SPINK5: variants seen among roughly 807,000 people sequenced by gnomAD.
The protein encoded by SPINK5 is serine protease inhibitor Kazal-type 5.
SPINK5 carries 125 observed loss-of-function variants against 151.8 expected under a neutral mutation model. That is an observed-to-expected ratio of 0.82 (90% CI 0.71 to 0.96). The LOEUF (loss-of-function observed/expected upper bound fraction) is 0.96, where lower values mean the gene tolerates loss of function less well. SPINK5 is among the 40% of genes least tolerant of loss of function. The pLI is 0.00. For missense variants in SPINK5, 1,194 were observed against 1,291.9 expected (o/e 0.92, Z 1.16); for synonymous variants, 374 against 395.3 (o/e 0.95, Z 0.64).
At chr5:148,113,215 T>A (rs557503430) in intron 20 of SPINK5, among the ~76,000 whole-genome samples, 2 of 152,302 alleles carry the variant, frequency 1.3e-5, no homozygotes, top group African/African-American at 4.8e-5. Context: ...TACAATTTTA[T>A]TTATAAAAAC....
At chr5:148,071,566 AT>A (rs1752738299) in intron 3 of SPINK5, among the ~76,000 whole-genome samples, 1 of 152,150 alleles carries the variant, frequency 6.6e-6, no homozygotes, top group Non-Finnish European at 1.5e-5. Flanking sequence ...TTACTGAAAA[AT>A]AATGTAAAAC....
rs1360950702 is a variant in SPINK5 at position 148,100,636 on chromosome 5, A to G, written c.1220+55A>G. On this transcript the variant is annotated intron_variant, in intron 13 of 32. Transcript: ENST00000256084. ...GGAATGATTTTGTTCTTTCTATTTCATTTCCATGTTCAATTATGGGAGGGC... is the reference window on the plus strand; with the variant it reads ...GGAATGATTTTGTTCTTTCTATTTCGTTTCCATGTTCAATTATGGGAGGGC... The G allele has an allele frequency of 3.1e-6, 5 of 1,601,146 alleles. No homozygotes were observed. The South Asian group carries it at 3.3e-5, about 11-fold the overall frequency.
intron 4 of SPINK5, among the ~76,000 whole-genome samples, chr5:148,073,144 AG>A (rs1752785671): frequency 1.3e-5 from 2 of 151,928 alleles, no homozygotes; most frequent in Non-Finnish European, 2.9e-5. Flanking sequence ...ACATCACCCC[AG>A]GTCTCCTATG....
intron 31 of SPINK5, among the ~76,000 whole-genome samples, chr5:148,132,316 T>C (rs1754592464): frequency 6.6e-6 from 1 of 152,130 alleles, no homozygotes; most frequent in Non-Finnish European, 1.5e-5. Context: ...TTATCCTTCT[T>C]AGGACACTAT....
intron 16 of SPINK5, 105 bp downstream of exon 16, chr5:148,105,105 C>A: frequency 7.8e-7 from 1 of 1,283,672 alleles, no homozygotes; most frequent in Non-Finnish European, 1.1e-6. Flanking sequence ...ATTTTCATGC[C>A]TGAAATAAAT....
chr5:148,127,948 A>G (rs3756690), intron 30 of SPINK5, among the ~76,000 whole-genome samples: 88,732 of 151,902 alleles, frequency 0.58, 26,291 homozygotes, highest in Admixed American at 0.66. Flanking sequence ...TAGAGCCTTC[A>G]CAAGATGAGG....
intron 32 of SPINK5, 100 bp downstream of exon 32, chr5:148,133,987 G>A (rs1754639132): frequency 3.9e-6 from 5 of 1,266,218 alleles, no homozygotes; most frequent in Admixed American, 1.8e-5. Context: ...TATCTGGCCA[G>A]AGAGGTGACA....
chr5:148,132,029 T>G (rs1413583747), intron 31 of SPINK5, among the ~76,000 whole-genome samples: 1 of 152,228 alleles, frequency 6.6e-6, no homozygotes, highest in Non-Finnish European at 1.5e-5. Flanking sequence ...ACTTCACAGA[T>G]GATTGAAAAG....
chr5:148,072,327 A>T (rs1752761636), intron 4 of SPINK5, 107 bp downstream of exon 4: 1 of 1,184,230 alleles, frequency 8.4e-7, no homozygotes, highest in East Asian at 2.5e-5. Flanking sequence ...TTTGAAGCCA[A>T]CAACTTAGGA....
intron 2 of SPINK5, among the ~76,000 whole-genome samples, chr5:148,069,436 G>A (rs1443317997): frequency 2.9e-5 from 3 of 103,960 alleles, no homozygotes; most frequent in Admixed American, 1.1e-4. Flanking sequence ...TAGGATTTTA[G>A]TTCCAAGGGA....
chr5:148,130,099 T>A (rs1318081997), intron 30 of SPINK5, among the ~76,000 whole-genome samples: 2 of 151,970 alleles, frequency 1.3e-5, no homozygotes, highest in African/African-American at 2.4e-5. Context: ...TTTTAAAAAA[T>A]TTTCTATGCT....
chr5:148,111,471 A>G (rs1753925718), intron 18 of SPINK5, among the ~76,000 whole-genome samples: 1 of 152,182 alleles, frequency 6.6e-6, no homozygotes, highest in South Asian at 2.1e-4. Context: ...ATTATTCTGT[A>G]TACCACAGAT....
rs1366246466 is a variant in SPINK5, at chr5:148,118,999, G to T, written c.2254G>T (p.Glu752Ter). Residue 752 changes from glutamate to a stop codon, truncating the protein, a stop_gained, in exon 24 of 33, where the codon GAG becomes TAG. Coordinates refer to ENST00000256084, the MANE Select transcript of SPINK5 (RefSeq NM_006846.4). LOFTEE classifies it high-confidence loss of function. ...TTTCTCCTCCAGGGAAAGAGAAGCA[G>T]AGAGAAAAAATGAGTATTCTCGCTC... ...MCKAKLEREAERKNEYSRSRS... is the reference protein window; with the variant it reads ...MCKAKLEREA 6.2e-7 allele frequency: 1 copy of T among 1,614,018 alleles called. No homozygotes were observed. The highest frequency in any genetic ancestry group is 1.3e-5 in the African/African-American group (1 of 75,046).
At chr5:148,085,743 A>G (rs1753136833) in intron 4 of SPINK5, among the ~76,000 whole-genome samples, 2 of 151,924 alleles carry the variant, frequency 1.3e-5, no homozygotes, top group African/African-American at 4.8e-5. Context: ...AAAGATGTTT[A>G]GTTTACTTGG....
At position 148,076,243 on chromosome 5, in the gene SPINK5, A is replaced by G. The variant is rs114556185; in HGVS notation, c.282+4023A>G. Among the ~76,000 whole-genome samples the G allele has an allele frequency of 9.2e-3, 1,403 of 151,854 alleles. 28 individuals are homozygous for G. The highest frequency in any genetic ancestry group is 0.032 in the African/African-American group (1,331 of 41,474). On this transcript the variant is annotated intron_variant, in intron 4 of 32. Transcript: ENST00000256084. ...AACTGTGTTAAATCCTTAGCTGACC[A>G]TTAAACTACAAAAACATAGGGGAAA...
intron 4 of SPINK5, among the ~76,000 whole-genome samples, chr5:148,080,005 G>C (rs185569204): frequency 1.3e-5 from 2 of 150,916 alleles, no homozygotes; most frequent in African/African-American, 4.8e-5. Flanking sequence ...TATATGAAAA[G>C]TTCTAGGGAT....
rs1754718654 is a variant in SPINK5, at chr5:148,137,245, T to A, written c.*254T>A. ...AAAATGTCCTGATTACAATGCTGTC[T>A]GTCCAACTGCCTGTTCAATAAAAGT... On this transcript the variant is annotated 3_prime_UTR_variant, in exon 33 of 33. Transcript: ENST00000256084. 2 of 559,424 alleles carry A rather than the reference T, an allele frequency of 3.6e-6. No individual in the cohort carries two copies. Among genetic ancestry groups the A allele is most frequent in the Non-Finnish European group, 6.4e-6 (2 of 313,880 alleles). The allele number at this position is 559,424 out of a possible 1,614,324, so 34.7% of individuals were successfully genotyped here.
rs778915520 is a variant in SPINK5 at position 148,065,371 on chromosome 5, A to G, written c.80A>G (p.Gln27Arg). 1.2e-6 allele frequency: 2 copies of G among 1,613,568 alleles called. No individual in the cohort carries two copies. The highest frequency in any genetic ancestry group is 4.5e-5 in the East Asian group (2 of 44,830). Reference sequence around the variant, plus strand: ...GATGCTGCCAGTAAGAATGAAGATCAGGTTAGTCCTGCTTTTTCTGTTCAT... The same window carrying G: ...GATGCTGCCAGTAAGAATGAAGATCGGGTTAGTCCTGCTTTTTCTGTTCAT... ...IQDAASKNEDQEMCHEFQAFM... is the reference protein window; with the variant it reads ...IQDAASKNEDREMCHEFQAFM... Residue 27 changes from glutamine (Q) to arginine (R), a missense_variant and splice_region_variant, in exon 2 of 33, where the codon CAG becomes CGG. Transcript: ENST00000256084.
chr5:148,089,845 T>G (rs1382132912), intron 7 of SPINK5, among the ~76,000 whole-genome samples: 1 of 151,882 alleles, frequency 6.6e-6, no homozygotes, highest in African/African-American at 2.4e-5. Context: ...GTTATTAAAT[T>G]CAAGACTCTC....
Sources: gnomAD v4.1 joint callset for allele counts (sites outside exome capture counted in the v4.1 genomes callset) on GRCh38, gnomAD v4.1.1 for gene constraint, MANE v1.5 for transcripts, NCBI Gene and HGNC (gene_info 2026-07-23, HGNC 2026-07-21) for gene names.